The following GLB1 variants were observed in gnomAD, a reference collection of about 807,000 sequenced individuals.
GLB1 encodes galactosidase beta 1.
Under a neutral mutation model 74.0 loss-of-function variants are expected in GLB1, and 56 were observed. The observed-to-expected ratio is 0.76, with a 90% CI of 0.61 to 0.94. GLB1 has a LOEUF of 0.94. Ranked by LOEUF, GLB1 falls within the 40% of genes least tolerant of loss-of-function variation. The pLI, the probability that GLB1 is intolerant of heterozygous loss-of-function variation, is 0.00. For missense variants in GLB1, 787 were observed against 845.5 expected, an observed-to-expected ratio of 0.93 and a Z score of 0.86; for synonymous variants, 323 against 323.6, an observed-to-expected ratio of 1.00 and a Z score of 0.02.
rs753804013 is a variant in GLB1, at chr3:33,018,439, G to A, written c.1347+9C>T. 8 of 1,612,608 alleles carry A rather than the reference G, an allele frequency of 5.0e-6. No individual in the cohort carries two copies. The highest frequency in any genetic ancestry group is 2.7e-5 in the African/African-American group (2 of 74,658). On this transcript the variant is annotated intron_variant, in intron 13 of 15. Transcript: ENST00000307363. Reference sequence around the variant, plus strand: ...GGGACAAAACGCACAGTTCAGAGACGATTCTTACCCCATCCACAGCAACAT... The same window carrying A: ...GGGACAAAACGCACAGTTCAGAGACAATTCTTACCCCATCCACAGCAACAT...
rs551216488 is a variant in GLB1 at position 33,060,379 on chromosome 3, T to G, written c.553-2110A>C. 3.3e-5 allele frequency among the ~76,000 whole-genome samples: 5 copies of G among 152,330 alleles called. No homozygotes were observed. The South Asian group carries it at 8.3e-4, about 25-fold the overall frequency. The stretch of plus-strand genomic sequence containing the variant: ...TCCATGAAAGTTCCTTTTGCAATAA[T>G]TTAGATAAATGCTAAGAAAAGCTTT... On this transcript the variant is annotated intron_variant, in intron 5 of 15. Transcript: ENST00000307363.
At chr3:33,018,235 G>A (rs1697314939) in intron 13 of GLB1, among the ~76,000 whole-genome samples, 1 of 142,912 alleles carries the variant, frequency 7.0e-6, no homozygotes, top group Admixed American at 7.2e-5. Flanking sequence ...GCAGTGAGCT[G>A]TGATTGCACC....
intron 1 of GLB1, among the ~76,000 whole-genome samples, chr3:33,095,997 G>A (rs989677488): frequency 1.3e-5 from 2 of 152,182 alleles, no homozygotes; most frequent in African/African-American, 4.8e-5. Context: ...TACTTAAGAT[G>A]TTCAATCTTG....
chr3:33,082,202 G>C (rs1700347728), intron 1 of GLB1, among the ~76,000 whole-genome samples: 1 of 152,234 alleles, frequency 6.6e-6, no homozygotes, highest in Admixed American at 6.5e-5. Context: ...CTCTTAGGGA[G>C]GCCAGGGATA....
Position 32,996,928 on chromosome 3 carries a change from T to C in GLB1, c.*117A>G, listed in dbSNP as rs982102099. On this transcript the variant is annotated 3_prime_UTR_variant, in exon 16 of 16. Coordinates refer to ENST00000307363, the MANE Select transcript of GLB1 (RefSeq NM_000404.4). ...GATGCAGGGAAACCTCAGGTGAAAA[T>C]GCACATCCTAAATTCCTTTTCCATT... 1 of 1,587,464 alleles carries C rather than the reference T, an allele frequency of 6.3e-7. No homozygotes were observed. Among genetic ancestry groups the C allele is most frequent in the Non-Finnish European group, 8.6e-7 (1 of 1,163,902 alleles).
Position 33,093,581 on chromosome 3 carries a change from G to C in GLB1, c.75+3430C>G, listed in dbSNP as rs1341065346. On this transcript the variant is annotated intron_variant, in intron 1 of 15. Transcript: ENST00000307363. This position sits in a 1 kb window ranked among gnomAD's most constrained non-coding sequence, Gnocchi z 6.0. ...CTGAGAGGAGCACGATCTTGAGGTT[G>C]TTCATTGAGGCAGGCAGCTGATGGA... 5.6e-6 allele frequency: 9 copies of C among 1,614,214 alleles called. No individual in the cohort carries two copies. Among genetic ancestry groups the C allele is most frequent in the Non-Finnish European group, 5.9e-6 (7 of 1,180,020 alleles).
At chr3:33,036,754 T>C (rs949510266) in intron 10 of GLB1, among the ~76,000 whole-genome samples, 11 of 152,020 alleles carry the variant, frequency 7.2e-5, no homozygotes, top group Non-Finnish European at 5.9e-5. Context: ...CTAAGTGAAA[T>C]AAGCCAGATA....
At chr3:33,009,386 GT>G (rs1287252651) in intron 15 of GLB1, among the ~76,000 whole-genome samples, 1 of 151,938 alleles carries the variant, frequency 6.6e-6, no homozygotes, top group African/African-American at 2.4e-5. Context: ...GCCAAGTGTG[GT>G]GGGGGGTGCC....
chr3:33,090,610 CACAA>C, intron 1 of GLB1: 2 of 985,376 alleles, frequency 2.0e-6, no homozygotes, highest in South Asian at 4.7e-5. Context: ...CTCCCCCGGC[CACAA>C]ACAAACAAAA....
chr3:32,975,146 A>G, the GLB1 span, among the ~76,000 whole-genome samples: 1 of 152,238 alleles, frequency 6.6e-6, no homozygotes, highest in South Asian at 2.1e-4. Flanking sequence ...CAGTGGCATG[A>G]TCATGGCTTA....
intron 15 of GLB1, among the ~76,000 whole-genome samples, chr3:33,003,282 T>C (rs1696651826): frequency 2.0e-5 from 3 of 152,196 alleles, no homozygotes; most frequent in African/African-American, 7.2e-5. Context: ...AGTTCCACCA[T>C]AGCTAGACCT....
chr3:33,035,671 G>A (rs59482503), intron 10 of GLB1, among the ~76,000 whole-genome samples: 10,712 of 152,076 alleles, frequency 0.07, 506 homozygotes, highest in East Asian at 0.23. Flanking sequence ...GAGGACCCTC[G>A]CCAGAACCTA....
chr3:33,018,656 A>G, intron 12 of GLB1, 95 bp from the exon 13 acceptor site: 1 of 1,321,042 alleles, frequency 7.6e-7, no homozygotes, highest in Non-Finnish European at 1.1e-6. Context: ...ATGTTTCTCA[A>G]ACCATAAGGA....
chr3:33,090,076 C>T (rs1378594254), intron 1 of GLB1, among the ~76,000 whole-genome samples: 1 of 152,198 alleles, frequency 6.6e-6, no homozygotes, highest in African/African-American at 2.4e-5. Context: ...AAGAACACTT[C>T]TTTAAAGAGG....
intron 1 of GLB1, among the ~76,000 whole-genome samples, chr3:33,089,058 G>T (rs559497713): frequency 6.6e-6 from 1 of 152,276 alleles, no homozygotes; most frequent in East Asian, 1.9e-4. Flanking sequence ...AGAAAACAGT[G>T]CTGGGAAAAC....
rs1248670280 is a variant in GLB1 at position 33,023,024 on chromosome 3, C to T, written c.1143+1227G>A. ...CGGTAAAAACTTATTTTCTATATAACTGTGTTCTACATAAACTTAATTCAG... is the reference window on the plus strand; with the variant it reads ...CGGTAAAAACTTATTTTCTATATAATTGTGTTCTACATAAACTTAATTCAG... On this transcript the variant is annotated intron_variant, in intron 11 of 15. Transcript: ENST00000307363. Among the ~76,000 whole-genome samples, 7 of 152,294 alleles carry T rather than the reference C, an allele frequency of 4.6e-5. No individual in the cohort carries two copies. The East Asian group carries it at 1.3e-3, about 29-fold the overall frequency.
rs566826463 is a variant in GLB1, at chr3:33,024,843, C to A, written c.1069-518G>T. Among the ~76,000 whole-genome samples, 33 of 151,650 alleles carry A rather than the reference C, an allele frequency of 2.2e-4. No individual in the cohort carries two copies. In the South Asian group the frequency reaches 6.8e-3, roughly 31 times the overall value. On this transcript the variant is annotated intron_variant, in intron 10 of 15. Transcript: ENST00000307363. ...ATCCTCCAATGATTTAGAAAACACA[C>A]ACACAGACAGAGAGAGAGAAGAAAC...
At chr3:33,006,808 AGGAAGAGCATAGAGT>A (rs1199103394) in intron 15 of GLB1, among the ~76,000 whole-genome samples, 4 of 152,238 alleles carry the variant, frequency 2.6e-5, no homozygotes, top group Non-Finnish European at 5.9e-5. Context: ...TAAAATGAAT[AGGAAGAGCATAGAGT>A]CCTGTGCCAG....
At chr3:33,074,389 G>GAAGAAAGAAAGAAAGAAAGA (rs773964882) in intron 1 of GLB1, among the ~76,000 whole-genome samples, 755 of 38,888 alleles carry the variant, frequency 0.019, 155 homozygotes, top group Middle Eastern at 0.085. Flanking sequence ...AGGAAGGAAG[G>GAAGAAAGAAAGAAAGAAAGA]AAGAAAGAAA....
Sources: allele counts gnomAD v4.1 joint callset (sites outside exome capture counted in the v4.1 genomes callset), GRCh38; gene constraint gnomAD v4.1.1; non-coding constraint Gnocchi (gnomAD v3.1); transcripts MANE v1.5; gene names NCBI Gene and HGNC (gene_info 2026-07-23, HGNC 2026-07-21).